BTD: variants seen among roughly 807,000 people sequenced by gnomAD.
BTD encodes the protein biocytinase.
Under a neutral mutation model 17.7 loss-of-function variants are expected in BTD, and 13 were observed. The ratio of observed to expected loss-of-function variants is 0.74; its 90% CI spans 0.48 to 1.17. BTD has a LOEUF of 1.17. BTD is among the 50% of genes most tolerant of loss of function. The pLI, the probability that BTD is intolerant of heterozygous loss-of-function variation, is 0.00. For synonymous variants in BTD, 240 were observed against 245.2 expected, an observed-to-expected ratio of 0.98 and a Z score of 0.20; for missense variants, 674 against 650.4, an observed-to-expected ratio of 1.04 and a Z score of -0.39.
intron 3 of BTD, chr3:15,689,879 G>C: frequency 2.9e-6 from 2 of 699,774 alleles, no homozygotes; most frequent in East Asian, 5.5e-5. Flanking sequence ...TATTTGGTGA[G>C]GTCAAATAAT....
chr3:15,640,215 G>A lies in BTD; in HGVS notation c.250-1693G>A, dbSNP rs2065459460. Among the ~76,000 whole-genome samples the A allele has an allele frequency of 2.6e-5, 4 of 152,172 alleles. No individual in the cohort carries two copies. In the South Asian group the frequency reaches 8.3e-4, roughly 32 times the overall value. ...TCAAAAGATGCAATCAAAGATTTGT[G>A]TGAAGTGTATAATTATGCAATAAGT... On this transcript the variant is annotated intron_variant, in intron 2 of 3. Transcript: ENST00000643237.
At chr3:15,674,408 T>A (rs1449072988) in intron 3 of BTD, among the ~76,000 whole-genome samples, 1 of 151,916 alleles carries the variant, frequency 6.6e-6, no homozygotes. Flanking sequence ...CTGTTAAGAA[T>A]GAGAATTGTC....
In BTD at chr3:15,685,138, T is replaced by G. The variant is rs547375266; in HGVS notation, c.400-24922T>G. Reference sequence around the variant, plus strand: ...GATTATTCCCAAGGTTTTTGCTAATTTTAAACTTAAAATTTGCCTTATAAA... The same window carrying G: ...GATTATTCCCAAGGTTTTTGCTAATGTTAAACTTAAAATTTGCCTTATAAA... On this transcript the variant is annotated intron_variant, in intron 3 of 3. Transcript: ENST00000672141. 3.4e-6 allele frequency: 5 copies of G among 1,454,714 alleles called. No individual in the cohort carries two copies. In the African/African-American group the frequency reaches 7.0e-5, roughly 20 times the overall value. 90.1% of individuals were successfully genotyped at this position (1,454,714 alleles called of 1,614,324 possible).
At chr3:15,622,047 T>A (rs2064965182) in intron 1 of BTD, among the ~76,000 whole-genome samples, 1 of 151,638 alleles carries the variant, frequency 6.6e-6, no homozygotes, top group African/African-American at 2.4e-5. Context: ...GTCTTCTCTA[T>A]TTTTTTTTCT....
At chr3:15,719,883 T>C (rs994618281) in intron 4 of BTD, among the ~76,000 whole-genome samples, 17 of 152,066 alleles carry the variant, frequency 1.1e-4, no homozygotes, top group Non-Finnish European at 2.9e-5. Flanking sequence ...CCTTTATTTA[T>C]TTTTTGAGAC....
rs746377118 is a variant in BTD at position 15,670,506 on chromosome 3, G to A, written c.399+28449G>A. On this transcript the variant is annotated intron_variant, in intron 3 of 3. Transcript: ENST00000672141. ...ATCATGGTGGCCAAAATGAGAGCCAGGCAATCAGCCACATCCTTATTGGGA... is the reference window on the plus strand; with the variant it reads ...ATCATGGTGGCCAAAATGAGAGCCAAGCAATCAGCCACATCCTTATTGGGA... 4.3e-6 allele frequency: 7 copies of A among 1,613,848 alleles called. No individual in the cohort carries two copies. The African/African-American group carries it at 8.0e-5, about 18-fold the overall frequency.
intron 4 of BTD, chr3:15,720,822 A>C: frequency 5.3e-6 from 6 of 1,130,140 alleles, no homozygotes; most frequent in Non-Finnish European, 7.6e-6. Context: ...TGAGTTTATC[A>C]ATATTCCTTT....
intron 1 of BTD, among the ~76,000 whole-genome samples, chr3:15,629,104 A>G (rs979068981): frequency 6.6e-6 from 1 of 152,192 alleles, no homozygotes; most frequent in African/African-American, 2.4e-5. Flanking sequence ...TGGTAGAAAT[A>G]CTTTGAAATC....
downstream of BTD, among the ~76,000 whole-genome samples, chr3:15,653,811 G>C (rs186220736): frequency 1.3e-5 from 2 of 152,208 alleles, no homozygotes; most frequent in Non-Finnish European, 2.9e-5. Context: ...AAAAAATCAC[G>C]TGTGAAAGTT....
At chr3:15,678,173 A>G (rs2067154207) in intron 3 of BTD, 1 of 1,568,164 alleles carries the variant, frequency 6.4e-7, no homozygotes, top group Non-Finnish European at 8.6e-7. Flanking sequence ...TGATACACAT[A>G]CTTAGGAAAA....
chr3:15,603,516 G>T (rs999444600), intron 1 of BTD, among the ~76,000 whole-genome samples: 4 of 152,052 alleles, frequency 2.6e-5, no homozygotes, highest in Non-Finnish European at 5.9e-5. Context: ...AATTAGGCGG[G>T]CATGGTGGCA....
At chr3:15,604,872 C>G (rs926423664) in intron 1 of BTD, among the ~76,000 whole-genome samples, 1 of 152,182 alleles carries the variant, frequency 6.6e-6, no homozygotes, top group East Asian at 1.9e-4. Flanking sequence ...ATTTTATTGT[C>G]CATATCACTA....
intron 1 of BTD, among the ~76,000 whole-genome samples, chr3:15,610,806 A>G (rs1382744498): frequency 6.6e-6 from 1 of 152,204 alleles, no homozygotes; most frequent in African/African-American, 2.4e-5. Flanking sequence ...GATTTAAAAG[A>G]TAGGGTATTT....
chr3:15,637,865 A>G (rs2065392978), intron 2 of BTD, among the ~76,000 whole-genome samples: 1 of 152,222 alleles, frequency 6.6e-6, no homozygotes, highest in African/African-American at 2.4e-5. Context: ...CTGCCCCCAG[A>G]GGAAACACTT....
In BTD at chr3:15,650,410, C is replaced by T. The variant is rs2065782593; in HGVS notation, c.*4922C>T. On this transcript the variant is annotated 3_prime_UTR_variant, in exon 4 of 4. Coordinates refer to ENST00000643237, the MANE Select transcript of BTD (RefSeq NM_001370658.1). ...TTTTCTTCTCATTTTCCTTCTCATT[C>T]TCTTCATCTTTTTCTTTTTGTTTGA... Among the ~76,000 whole-genome samples, 1 of 147,500 alleles carries T rather than the reference C, an allele frequency of 6.8e-6. No homozygotes were observed. The highest frequency in any genetic ancestry group is 1.5e-5 in the Non-Finnish European group (1 of 67,376).
intron 4 of BTD, among the ~76,000 whole-genome samples, chr3:15,718,651 T>C (rs892091638): frequency 2.6e-5 from 4 of 152,110 alleles, no homozygotes; most frequent in African/African-American, 7.2e-5. Flanking sequence ...GGAAGCCCAA[T>C]CTCTACCTTT....
At chr3:15,612,438 C>G (rs910068660) in intron 1 of BTD, among the ~76,000 whole-genome samples, 2 of 152,112 alleles carry the variant, frequency 1.3e-5, no homozygotes, top group African/African-American at 2.4e-5. Context: ...TAGGCTTTTA[C>G]TGGCATTGAT....
At chr3:15,687,684 G>T (rs76109172) in intron 3 of BTD, among the ~76,000 whole-genome samples, 1,946 of 151,464 alleles carry the variant, frequency 0.013, 46 homozygotes, top group African/African-American at 0.045. Flanking sequence ...TTAAACTTGT[G>T]GCTTAAATCA....
intron 3 of BTD, chr3:15,695,246 C>G: frequency 6.6e-7 from 1 of 1,505,850 alleles, no homozygotes; most frequent in Non-Finnish European, 9.1e-7. Flanking sequence ...AAATATTTAG[C>G]TTGGGAAGTA....
Sources: gnomAD v4.1 joint callset for allele counts (sites outside exome capture counted in the v4.1 genomes callset) on GRCh38, gnomAD v4.1.1 for gene constraint, MANE v1.5 for transcripts, NCBI Gene and HGNC (gene_info 2026-07-23, HGNC 2026-07-21) for gene names.